The following LAMA3 variants were observed in gnomAD, a reference collection of about 807,000 sequenced individuals.
LAMA3 encodes the protein laminin subunit alpha 3.
Under a neutral mutation model 402.0 loss-of-function variants are expected in LAMA3, and 281 were observed. The observed-to-expected ratio is 0.70, with a 90% CI of 0.63 to 0.77. The LOEUF (loss-of-function observed/expected upper bound fraction) is 0.77. LAMA3 is among the 30% of genes least tolerant of loss of function. The pLI, the probability that LAMA3 is intolerant of heterozygous loss-of-function variation, is 0.00. For missense variants in LAMA3, 3,840 were observed against 4,215.5 expected (o/e 0.91, Z 2.47); for synonymous variants, 1,431 against 1,558.4 (o/e 0.92, Z 1.93).
chr18:23,926,414 G>A (rs941622870), intron 62 of LAMA3, among the ~76,000 whole-genome samples: 1 of 152,180 alleles, frequency 6.6e-6, no homozygotes, highest in Non-Finnish European at 1.5e-5. Flanking sequence ...TGTATAAATA[G>A]GCAAGCTCCA....
chr18:23,852,404 T>C (rs1461936702), intron 32 of LAMA3, among the ~76,000 whole-genome samples: 2 of 152,246 alleles, frequency 1.3e-5, no homozygotes, highest in Non-Finnish European at 2.9e-5. Context: ...TAAATGTGAT[T>C]TTATCTTCTT....
At chr18:23,777,051 G>A (rs2062337296) in intron 10 of LAMA3, among the ~76,000 whole-genome samples, 2 of 151,900 alleles carry the variant, frequency 1.3e-5, no homozygotes, top group Admixed American at 1.3e-4. Flanking sequence ...TGTTGGTCAG[G>A]CTGGTCTTGA....
At chr18:23,711,443 A>G (rs948016315) in intron 1 of LAMA3, among the ~76,000 whole-genome samples, 2 of 152,234 alleles carry the variant, frequency 1.3e-5, no homozygotes, top group Admixed American at 6.5e-5. Context: ...AGGGACTGCT[A>G]TATCAGCAGA....
intron 2 of LAMA3, among the ~76,000 whole-genome samples, chr18:23,745,193 G>GT (rs1316811606): frequency 3.3e-5 from 5 of 152,108 alleles, no homozygotes; most frequent in Admixed American, 6.5e-5. Context: ...GTGTGTGTGT[G>GT]TGTGTAGAGA....
intron 2 of LAMA3, among the ~76,000 whole-genome samples, chr18:23,744,675 CA>C (rs1403060045): frequency 6.6e-6 from 1 of 151,280 alleles, no homozygotes; most frequent in Non-Finnish European, 1.5e-5. Flanking sequence ...ACTAAAAATA[CA>C]AAAAAATTAG....
chr18:23,948,827 C>T (rs996192216), intron 70 of LAMA3, among the ~76,000 whole-genome samples: 2 of 152,202 alleles, frequency 1.3e-5, no homozygotes, highest in Non-Finnish European at 2.9e-5. Context: ...GCCTCAGCCT[C>T]CCAAAGTGCT....
At chr18:23,862,368 C>G (rs1433305066) in intron 35 of LAMA3, among the ~76,000 whole-genome samples, 3 of 152,142 alleles carry the variant, frequency 2.0e-5, no homozygotes, top group African/African-American at 7.2e-5. Flanking sequence ...CCACCTCCAT[C>G]CATTTTATGA....
At chr18:23,817,748 C>T (rs752582294) in intron 18 of LAMA3, among the ~76,000 whole-genome samples, 7 of 152,114 alleles carry the variant, frequency 4.6e-5, no homozygotes, top group African/African-American at 7.2e-5. Flanking sequence ...GTAACCCAGC[C>T]GCACTTTCCC....
In LAMA3 at chr18:23,822,382, C is replaced by T; in HGVS notation, c.2428+7C>T. The T allele has an allele frequency of 6.2e-7, 1 of 1,612,792 alleles. No homozygotes were observed. Among genetic ancestry groups the T allele is most frequent in the Non-Finnish European group, 8.5e-7 (1 of 1,178,952 alleles). ...ACTATTTATCCATCCTGGGGTAAGG[C>T]ACGTAGGTAAAATGTCAAGCCTCTT... is the stretch of plus-strand genomic sequence containing the variant. On this transcript the variant is annotated splice_region_variant and intron_variant, in intron 20 of 74. Coordinates refer to ENST00000313654, the MANE Select transcript of LAMA3 (RefSeq NM_198129.4).
chr18:23,793,493 G>A (rs2062702084), intron 12 of LAMA3, among the ~76,000 whole-genome samples: 2 of 151,932 alleles, frequency 1.3e-5, no homozygotes, highest in African/African-American at 4.8e-5. Context: ...ATCCCTGGGG[G>A]ACAAGGGAAT....
intron 47 of LAMA3, among the ~76,000 whole-genome samples, chr18:23,900,131 T>C (rs1384535260): frequency 6.6e-6 from 1 of 152,104 alleles, no homozygotes; most frequent in Non-Finnish European, 1.5e-5. Context: ...AGTGCAGTAG[T>C]GTGATCTCAA....
intron 30 of LAMA3, among the ~76,000 whole-genome samples, chr18:23,845,364 G>A (rs555656434): frequency 1.3e-5 from 2 of 152,222 alleles, no homozygotes; most frequent in African/African-American, 4.8e-5. Context: ...ACGGGGGTCC[G>A]TACCCCAAGC....
intron 1 of LAMA3, among the ~76,000 whole-genome samples, chr18:23,712,209 C>T (rs532067478): frequency 4.6e-5 from 7 of 152,024 alleles, no homozygotes; most frequent in Admixed American, 1.3e-4. Context: ...GGAGAAACCC[C>T]GTCTCTAATA....
Position 23,839,795 on chromosome 18 carries a change from G to T in LAMA3, c.3202G>T (p.Val1068Phe). The T allele has an allele frequency of 6.2e-7, 1 of 1,614,128 alleles. No individual in the cohort carries two copies. Among genetic ancestry groups the T allele is most frequent in the Non-Finnish European group, 8.5e-7 (1 of 1,179,998 alleles). Reference protein sequence around the residue: ...GRFVNQSATCVSLAHETPPTA... With the variant: ...GRFVNQSATCFSLAHETPPTA... ...TATTCTATTTTTCAGTGCCACCTGT[G>T]TCTCCTTGGCCCATGAAACTCCTCC... The change falls in exon 27 of 75, where the codon GTC becomes TTC. Residue 1068 changes from valine to phenylalanine, a missense_variant. Val to Phe is a conservative substitution (Grantham distance 50). Around this residue, in one of 3 missense-constraint regions of LAMA3, gnomAD observed 2,109 missense variants for 2,376.0 expected, o/e 0.89. Coordinates refer to ENST00000313654, the MANE Select transcript of LAMA3 (RefSeq NM_198129.4). This position sits in a 1 kb window ranked among gnomAD's most constrained non-coding sequence, Gnocchi z 4.5.
chr18:23,782,206 C>T (rs948957109), intron 11 of LAMA3, among the ~76,000 whole-genome samples: 2 of 152,096 alleles, frequency 1.3e-5, no homozygotes, highest in Non-Finnish European at 2.9e-5. Flanking sequence ...GAGTCTTTTA[C>T]GATCTTCCTT....
Position 23,842,634 on chromosome 18 carries a change from C to A in LAMA3, c.3487C>A (p.Pro1163Thr), listed in dbSNP as rs2063728567. 1 of 1,614,042 alleles carries A rather than the reference C, an allele frequency of 6.2e-7. No homozygotes were observed. Among genetic ancestry groups the A allele is most frequent in the Non-Finnish European group, 8.5e-7 (1 of 1,180,042 alleles). The change falls in exon 29 of 75, where the codon CCC becomes ACC. Residue 1163 changes from proline (P) to threonine (T), a missense_variant. Pro to Thr is a conservative substitution (Grantham distance 38). Coordinates refer to ENST00000313654, the MANE Select transcript of LAMA3 (RefSeq NM_198129.4). ...AGGCTCCTTCCATGCCTCTTTTTGC[C>A]CCCATGTGCTTGGCTGCCGGGATCA... is the stretch of plus-strand genomic sequence containing the variant. ...RAGSFHASFCPHVLGCRDQVI... is the reference protein window; with the variant it reads ...RAGSFHASFCTHVLGCRDQVI...
intron 5 of LAMA3, among the ~76,000 whole-genome samples, 159 bp downstream of exon 5, chr18:23,751,247 T>C (rs1442974366): frequency 6.6e-6 from 1 of 152,206 alleles, no homozygotes; most frequent in Non-Finnish European, 1.5e-5. Flanking sequence ...TAGGAGTTTA[T>C]ATCTAATGAC....
rs1014949928 is a variant in LAMA3 at position 23,916,674 on chromosome 18, G to T, written c.7902G>T (p.Leu2634Phe). Residue 2634 changes from leucine (L) to phenylalanine (F), a missense_variant, in exon 60 of 75, where the codon TTG becomes TTT. By Grantham distance (22) the Leu-to-Phe change is conservative. This residue lies in a region of LAMA3 where 840 missense variants were observed against 981.9 expected (regional missense o/e 0.86). Transcript: ENST00000313654. ...TTCAGACCACCGTGGATAGAGGCTTGCTGTTCTTTGCAGAAAACGGGGTAA... is the reference window on the plus strand; with the variant it reads ...TTCAGACCACCGTGGATAGAGGCTTTCTGTTCTTTGCAGAAAACGGGGTAA... ...QTIQTTVDRG[L>F]LFFAENGDRF... 1.2e-6 allele frequency: 2 copies of T among 1,614,036 alleles called. No individual in the cohort carries two copies. The highest frequency in any genetic ancestry group is 2.7e-5 in the African/African-American group (2 of 74,928).
chr18:23,932,762 G>T (rs779277747), intron 66 of LAMA3, among the ~76,000 whole-genome samples: 1 of 152,000 alleles, frequency 6.6e-6, no homozygotes, highest in East Asian at 1.9e-4. Context: ...TATTTTTTTT[G>T]ATACAAAATT....
Sources: allele counts gnomAD v4.1 joint callset (sites outside exome capture counted in the v4.1 genomes callset), GRCh38; gene constraint gnomAD v4.1.1; regional missense constraint gnomAD v4.1.1; non-coding constraint Gnocchi (gnomAD v3.1); transcripts MANE v1.5; gene names NCBI Gene and HGNC (gene_info 2026-07-23, HGNC 2026-07-21).